PRRX1: variants seen among roughly 807,000 people sequenced by gnomAD.
The protein encoded by PRRX1 is paired mesoderm homeobox protein 1.
A neutral mutation model predicts 24.0 loss-of-function variants in PRRX1; 8 were observed. The observed-to-expected ratio is 0.33, with a 90% confidence interval of 0.20 to 0.60. PRRX1 has a LOEUF of 0.60. Among genes scored for constraint, PRRX1 ranks in the 20% least tolerant of loss-of-function variants. The pLI is 0.82. For synonymous variants in PRRX1, 160 were observed against 131.7 expected (o/e 1.22, Z -1.47); for missense variants, 281 against 322.4 (o/e 0.87, Z 0.98).
intron 1 of PRRX1, among the ~76,000 whole-genome samples, chr1:170,701,634 AG>A (rs1223198863): frequency 6.6e-6 from 1 of 152,220 alleles, no homozygotes; most frequent in Non-Finnish European, 1.5e-5. Flanking sequence ...TTTATTCGAA[AG>A]GGTTATTGCA....
chr1:170,713,462 T>C (rs536054419), intron 1 of PRRX1, among the ~76,000 whole-genome samples: 35 of 152,308 alleles, frequency 2.3e-4, no homozygotes, highest in South Asian at 4.1e-4. Context: ...TTTGGCGCTA[T>C]AGAAAAGTAT....
chr1:170,710,462 C>T (rs1234787981), intron 1 of PRRX1, among the ~76,000 whole-genome samples: 1 of 152,172 alleles, frequency 6.6e-6, no homozygotes, highest in African/African-American at 2.4e-5. Flanking sequence ...AATCCAAAGC[C>T]ATTTCCACTA....
Position 170,688,992 on chromosome 1 carries a change from T to C in PRRX1, c.241+24533T>C, listed in dbSNP as rs1428266074. 4.6e-5 allele frequency among the ~76,000 whole-genome samples: 7 copies of C among 152,136 alleles called. No individual in the cohort carries two copies. In the East Asian group the frequency reaches 1.3e-3, roughly 29 times the overall value. On this transcript the variant is annotated intron_variant, in intron 1 of 3. Transcript: ENST00000239461. Reference sequence around the variant, plus strand: ...ACATTAGAAATCAATAGCATATTGATAATGAGATGAAAGATTAACTGAGCT... The same window carrying C: ...ACATTAGAAATCAATAGCATATTGACAATGAGATGAAAGATTAACTGAGCT...
At chr1:170,727,711 G>T (rs1376475241) in intron 3 of PRRX1, 3 of 152,122 alleles carry the variant, frequency 2.0e-5, no homozygotes, top group Non-Finnish European at 4.4e-5. Context: ...AAATTAGCCT[G>T]AATTCTTTTT....
chr1:170,692,909 A>G (rs899045071), intron 1 of PRRX1, among the ~76,000 whole-genome samples: 1 of 152,086 alleles, frequency 6.6e-6, no homozygotes, highest in Non-Finnish European at 1.5e-5. Context: ...GCCTAATCCT[A>G]TATATATGCC....
chr1:170,715,664 C>T (rs1654883019), intron 1 of PRRX1, among the ~76,000 whole-genome samples: 1 of 152,118 alleles, frequency 6.6e-6, no homozygotes, highest in Non-Finnish European at 1.5e-5. Context: ...TAACCCTGCA[C>T]TTATTTAATT....
At position 170,690,216 on chromosome 1, in the gene PRRX1, C is replaced by T. The variant is rs1268901268; in HGVS notation, c.241+25757C>T. On this transcript the variant is annotated intron_variant, in intron 1 of 3. Coordinates refer to ENST00000239461, the MANE Select transcript of PRRX1 (RefSeq NM_022716.4). ...ATATTGCATCAGATAAGGTCTGGTC[C>T]GTGCCCCCTATGAGCTTATAGTTTA... 3.9e-5 allele frequency among the ~76,000 whole-genome samples: 6 copies of T among 151,964 alleles called. No homozygotes were observed. The East Asian group carries it at 9.7e-4, about 25-fold the overall frequency.
chr1:170,664,027 C>A, upstream of PRRX1: 1 of 583,504 alleles, frequency 1.7e-6, no homozygotes, highest in South Asian at 2.3e-5. Flanking sequence ...AGAAGGGGGT[C>A]CCCCACCCTC....
intron 3 of PRRX1, among the ~76,000 whole-genome samples, chr1:170,729,855 A>T (rs1453745661): frequency 6.6e-6 from 1 of 152,182 alleles, no homozygotes; most frequent in African/African-American, 2.4e-5. Context: ...CTTAACTCAG[A>T]ACTATTTTTC....
At chr1:170,677,751 T>C (rs1211400057) in intron 1 of PRRX1, among the ~76,000 whole-genome samples, 1 of 152,204 alleles carries the variant, frequency 6.6e-6, no homozygotes, top group African/African-American at 2.4e-5. Flanking sequence ...GGTTATCACC[T>C]TTAGGTCACC....
chr1:170,664,082 T>C (rs1478507441), upstream of PRRX1: 317 of 834,442 alleles, frequency 3.8e-4, no homozygotes, highest in Non-Finnish European at 5.3e-4. Flanking sequence ...TCCCTCCCTC[T>C]TCCTCCCTCT....
chr1:170,720,642 T>C (rs529583471), intron 2 of PRRX1, among the ~76,000 whole-genome samples: 2 of 152,330 alleles, frequency 1.3e-5, no homozygotes, highest in East Asian at 1.9e-4. Context: ...TTCAAGAAAC[T>C]TGTTGTAAGT....
intron 1 of PRRX1, chr1:170,667,627 G>A (rs1425268145): frequency 6.6e-6 from 1 of 152,160 alleles, no homozygotes; most frequent in East Asian, 1.9e-4. Flanking sequence ...GGAGTGTCTC[G>A]GGAAAGGATG....
chr1:170,694,925 TAA>T (rs1654116822), intron 1 of PRRX1, among the ~76,000 whole-genome samples: 1 of 152,106 alleles, frequency 6.6e-6, no homozygotes, highest in South Asian at 2.1e-4. Flanking sequence ...TCAATGCTTC[TAA>T]TATGTCAGTC....
intron 1 of PRRX1, among the ~76,000 whole-genome samples, chr1:170,699,911 T>C (rs1475139670): frequency 6.6e-6 from 1 of 152,038 alleles, no homozygotes; most frequent in Non-Finnish European, 1.5e-5. Flanking sequence ...AATTTCTGTA[T>C]TTTTAGTAGA....
At chr1:170,665,732 G>T (rs1280714626) in intron 1 of PRRX1, among the ~76,000 whole-genome samples, 3 of 152,262 alleles carry the variant, frequency 2.0e-5, no homozygotes, top group Non-Finnish European at 2.9e-5. Flanking sequence ...ACAGCAAGCC[G>T]CAGAGAGAGC....
rs1182355391 is a variant in PRRX1, at chr1:170,736,053, T to C, written c.605T>C (p.Met202Thr). Reference protein sequence around the residue: ...SWGTASPYSAMATYSATCANN... With the variant: ...SWGTASPYSATATYSATCANN... ...TCTCTCCTTTGTCCCTACAGCGCCA[T>C]GGCTACTTATTCTGCCACATGTGCC... Residue 202 changes from methionine to threonine, a missense_variant, in exon 4 of 4, where the codon ATG becomes ACG. Coordinates refer to ENST00000239461, the MANE Select transcript of PRRX1 (RefSeq NM_022716.4). The C allele has an allele frequency of 2.5e-6, 4 of 1,614,006 alleles. No individual in the cohort carries two copies. The highest frequency in any genetic ancestry group is 1.7e-6 in the Non-Finnish European group (2 of 1,179,876).
At chr1:170,697,554 G>T (rs1045759377) in intron 1 of PRRX1, among the ~76,000 whole-genome samples, 1 of 150,996 alleles carries the variant, frequency 6.6e-6, no homozygotes, top group Non-Finnish European at 1.5e-5. Flanking sequence ...TTATTCAAAG[G>T]CACTTTCTTC....
chr1:170,673,637 T>A (rs1653213425), intron 1 of PRRX1, among the ~76,000 whole-genome samples: 1 of 152,234 alleles, frequency 6.6e-6, no homozygotes, highest in Non-Finnish European at 1.5e-5. Context: ...CATTTGAATA[T>A]CACAAACGTG....
Sources: allele counts gnomAD v4.1 joint callset (sites outside exome capture counted in the v4.1 genomes callset), GRCh38; gene constraint gnomAD v4.1.1; transcripts MANE v1.5; gene names NCBI Gene and HGNC (gene_info 2026-07-23, HGNC 2026-07-21).